UBE2N: variants seen among roughly 807,000 people sequenced by gnomAD.
UBE2N encodes ubiquitin conjugating enzyme E2 N, also known as ubiquitin-conjugating enzyme E2 N.
For missense variants in UBE2N, 60 were observed against 192.1 expected (o/e 0.31, Z 4.07); for synonymous variants, 70 against 69.2 (o/e 1.01, Z -0.06).
chr12:93,429,683 C>G (rs552571219), intron 1 of UBE2N, among the ~76,000 whole-genome samples: 1 of 152,016 alleles, frequency 6.6e-6, no homozygotes, highest in Non-Finnish European at 1.5e-5. Flanking sequence ...CCCTGAAGAC[C>G]TTCGAGTAGG....
rs775114353 is a variant in UBE2N at position 93,410,721 on chromosome 12, G to T, written c.418+13C>A. 1 of 1,613,966 alleles carries T rather than the reference G, an allele frequency of 6.2e-7. No individual in the cohort carries two copies. ...AAGTGGAAGTGGTGTGAAGGAGAAT[G>T]AATATTAGATACCTGTTTCTATGGC... On this transcript the variant is annotated intron_variant, in intron 3 of 3. Transcript: ENST00000318066.
At chr12:93,428,129 A>G (rs1878648847) in intron 1 of UBE2N, among the ~76,000 whole-genome samples, 1 of 152,138 alleles carries the variant, frequency 6.6e-6, no homozygotes, top group Non-Finnish European at 1.5e-5. Context: ...CATGTTGCCC[A>G]GGCTTTTCTC....
chr12:93,431,120 G>C (rs940936500), intron 1 of UBE2N, among the ~76,000 whole-genome samples: 12 of 152,050 alleles, frequency 7.9e-5, no homozygotes, highest in African/African-American at 2.7e-4. Context: ...CCAGCTACTC[G>C]GAAGGCTGAG....
intron 1 of UBE2N, among the ~76,000 whole-genome samples, chr12:93,417,100 G>C (rs148976914): frequency 2.1e-3 from 313 of 152,242 alleles, no homozygotes; most frequent in African/African-American, 7.3e-3. Context: ...AAATAGACAG[G>C]TAAGTTGGTA....
intron 2 of UBE2N, 57 bp from the exon 3 acceptor site, chr12:93,410,931 C>A (rs1374662405): frequency 6.2e-7 from 1 of 1,613,956 alleles, no homozygotes; most frequent in Non-Finnish European, 8.5e-7. Flanking sequence ...CCCAGAACTG[C>A]TTCACTTCCC....
intron 1 of UBE2N, among the ~76,000 whole-genome samples, chr12:93,430,778 T>C (rs1196026563): frequency 6.8e-6 from 1 of 147,968 alleles, no homozygotes; most frequent in Non-Finnish European, 1.5e-5. Context: ...GTATATATAT[T>C]TTATATTGTA....
In UBE2N at chr12:93,418,345, T is replaced by C. The variant is rs145164922; in HGVS notation, c.31-7046A>G. Among the ~76,000 whole-genome samples, 7 of 152,030 alleles carry C rather than the reference T, an allele frequency of 4.6e-5. No homozygotes were observed. The South Asian group carries it at 1.5e-3, about 32-fold the overall frequency. ...TACCACTGCACCCCAGCCTGGGCGA[T>C]AGTGAGACCTTGTCTCTTAAAAACA... On this transcript the variant is annotated intron_variant, in intron 1 of 3. Transcript: ENST00000318066.
At chr12:93,415,028 C>G (rs1878160946) in intron 1 of UBE2N, among the ~76,000 whole-genome samples, 1 of 152,038 alleles carries the variant, frequency 6.6e-6, no homozygotes, top group Admixed American at 6.6e-5. Context: ...ATCATTAAGG[C>G]AGGGTTATTT....
rs1325642905 is a variant in UBE2N, at chr12:93,425,408, A to G, written c.31-14109T>C. On this transcript the variant is annotated intron_variant, in intron 1 of 3. Coordinates refer to ENST00000318066, the MANE Select transcript of UBE2N (RefSeq NM_003348.4). ...CAATTGTCAATTAAGAGGTCAGCAA[A>G]AGACTACAGTAGGAATGAACCTTCT... Among the ~76,000 whole-genome samples the G allele has an allele frequency of 2.0e-5, 3 of 152,198 alleles. No individual in the cohort carries two copies. In the East Asian group the frequency reaches 5.8e-4, roughly 29 times the overall value.
chr12:93,426,939 CT>C lies in UBE2N; in HGVS notation c.30+14915del, dbSNP rs926191020. 3.2e-3 allele frequency among the ~76,000 whole-genome samples: 466 copies of C among 146,566 alleles called. 3 individuals are homozygous for C. The highest frequency in any genetic ancestry group is 0.011 in the African/African-American group (440 of 40,062). On this transcript the variant is annotated intron_variant, in intron 1 of 3. Transcript: ENST00000318066. ...ATTTTATGTGTGGCCTAAGACAATT[CT>C]TTTTTTTTTTCTTTTGTCGCCCAGA...
chr12:93,432,410 A>C (rs187505301), intron 1 of UBE2N, among the ~76,000 whole-genome samples: 15 of 152,008 alleles, frequency 9.9e-5, no homozygotes, highest in African/African-American at 3.6e-4. Context: ...GGATCGGCCT[A>C]TGTTACTAAA....
At chr12:93,432,352 A>G (rs1878795067) in intron 1 of UBE2N, among the ~76,000 whole-genome samples, 1 of 134,894 alleles carries the variant, frequency 7.4e-6, no homozygotes, top group Non-Finnish European at 1.6e-5. Flanking sequence ...ATGGATAATA[A>G]AGAGACACGC....
intron 1 of UBE2N, among the ~76,000 whole-genome samples, chr12:93,440,377 T>C (rs189873111): frequency 6.2e-4 from 94 of 152,326 alleles, no homozygotes; most frequent in African/African-American, 2.2e-3. Context: ...TTTCGGACTA[T>C]GAAGATTCAC....
intron 1 of UBE2N, 38 bp downstream of exon 1, chr12:93,441,817 A>G (rs778446656): frequency 5.7e-6 from 9 of 1,578,728 alleles, no homozygotes; most frequent in Non-Finnish European, 6.9e-6. Context: ...AGCCGACGAG[A>G]GCAGAGCGAA....
intron 1 of UBE2N, among the ~76,000 whole-genome samples, chr12:93,429,986 G>C (rs1878710190): frequency 6.6e-6 from 1 of 152,200 alleles, no homozygotes; most frequent in South Asian, 2.1e-4. Flanking sequence ...TGTAGCCTAA[G>C]TGTACAATGC....
intron 1 of UBE2N, among the ~76,000 whole-genome samples, chr12:93,439,221 T>G (rs1879026164): frequency 6.6e-6 from 1 of 152,234 alleles, no homozygotes; most frequent in Admixed American, 6.5e-5. Context: ...GCACAGTGGC[T>G]CACGCCTGTG....
chr12:93,435,333 C>T (rs1469325407), intron 1 of UBE2N, among the ~76,000 whole-genome samples: 4 of 152,024 alleles, frequency 2.6e-5, no homozygotes, highest in African/African-American at 2.4e-5. Flanking sequence ...ATCAGCTGGG[C>T]GTGGTGGCAT....
intron 1 of UBE2N, among the ~76,000 whole-genome samples, chr12:93,413,969 C>A (rs1878114847): frequency 6.6e-6 from 1 of 151,926 alleles, no homozygotes; most frequent in South Asian, 2.1e-4. Flanking sequence ...CGAGACCAGC[C>A]TGATCAACAT....
chr12:93,410,614 G>T, intron 3 of UBE2N, 120 bp downstream of exon 3: 2 of 1,431,198 alleles, frequency 1.4e-6, no homozygotes, highest in Middle Eastern at 2.3e-4. Context: ...CTATAAGCAG[G>T]ATCTCACTTA....
Sources: allele counts gnomAD v4.1 joint callset (sites outside exome capture counted in the v4.1 genomes callset), GRCh38; gene constraint gnomAD v4.1.1; transcripts MANE v1.5; gene names NCBI Gene and HGNC (gene_info 2026-07-23, HGNC 2026-07-21).